CLEC4F: variants seen among roughly 807,000 people sequenced by gnomAD.
CLEC4F encodes C-type (calcium dependent, carbohydrate-recognition domain) lectin, superfamily member 13.
Under a neutral mutation model 53.4 loss-of-function variants are expected in CLEC4F, and 45 were observed. That is an observed-to-expected ratio of 0.84 (90% CI 0.66 to 1.08). CLEC4F has a LOEUF of 1.08. CLEC4F is among the 50% of genes least tolerant of loss of function. The pLI is 0.00. For synonymous variants in CLEC4F, 245 were observed against 257.5 expected, an observed-to-expected ratio of 0.95 and a Z score of 0.46; for missense variants, 753 against 698.2, an observed-to-expected ratio of 1.08 and a Z score of -0.88.
upstream of CLEC4F, among the ~76,000 whole-genome samples, chr2:70,824,641 A>AAAAC (rs1677305769): frequency 6.6e-6 from 1 of 150,428 alleles, no homozygotes; most frequent in Non-Finnish European, 1.5e-5. Context: ...AAAAAAAAAA[A>AAAAC]AAAAACTGAG....
At position 70,808,969 on chromosome 2, in the gene CLEC4F, T is replaced by G. The variant is rs1553393331; in HGVS notation, c.*302A>C. The G allele has an allele frequency of 9.4e-7, 1 of 1,066,356 alleles. No individual in the cohort carries two copies. The highest frequency in any genetic ancestry group is 2.6e-5 in the East Asian group (1 of 38,510). 66.1% of individuals were successfully genotyped at this position (1,066,356 alleles called of 1,614,324 possible). A position where few individuals can be genotyped will look rare whatever the true frequency, so the allele number is the denominator to read the frequency against. On this transcript the variant is annotated 3_prime_UTR_variant, in exon 7 of 7. Coordinates refer to ENST00000272367, the MANE Select transcript of CLEC4F (RefSeq NM_173535.3). ...GCCCATGGGCTTCTTGCACACCCAC[T>G]GATAGGGGGTGTCACAGGTCATGTC...
chr2:70,811,327 C>T (rs781919612), intron 5 of CLEC4F: 5 of 1,006,378 alleles, frequency 5.0e-6, no homozygotes, highest in Non-Finnish European at 7.6e-6. Flanking sequence ...TTGGAGCAAT[C>T]TGCTCTTATG....
Position 70,815,768 on chromosome 2 carries a change from G to T in CLEC4F, c.1387+226C>A, listed in dbSNP as rs574719051. Among the ~76,000 whole-genome samples, 6 of 152,234 alleles carry T rather than the reference G, an allele frequency of 3.9e-5. No individual in the cohort carries two copies. In the South Asian group the frequency reaches 1.0e-3, roughly 26 times the overall value. On this transcript the variant is annotated intron_variant, in intron 4 of 6. Transcript: ENST00000272367. ...TCACACACGTGCACCATTTACAGTT[G>T]GTTTCCCGTGTTCATTTGGTCACCG... is the stretch of plus-strand genomic sequence containing the variant.
At chr2:70,824,043 AAAG>A (rs1473860621), upstream of CLEC4F, among the ~76,000 whole-genome samples, 2 of 129,242 alleles carry the variant, frequency 1.5e-5, 1 homozygote, top group African/African-American at 5.7e-5. Flanking sequence ...AAAAAGAAAG[AAAG>A]AAAGAAAGAA....
intron 3 of CLEC4F, 112 bp from the exon 4 acceptor site, chr2:70,817,224 C>T: frequency 8.8e-7 from 1 of 1,141,028 alleles, no homozygotes; most frequent in Non-Finnish European, 1.2e-6. Context: ...TACTGCACAG[C>T]CCTCAGTGCT....
upstream of CLEC4F, among the ~76,000 whole-genome samples, chr2:70,823,174 A>G (rs1308207193): frequency 1.3e-5 from 2 of 152,144 alleles, no homozygotes; most frequent in African/African-American, 2.4e-5. Flanking sequence ...CCCAATGTGT[A>G]GAGTGCAGAG....
At chr2:70,818,617 A>G (rs1469286190) in intron 3 of CLEC4F, among the ~76,000 whole-genome samples, 1 of 152,052 alleles carries the variant, frequency 6.6e-6, no homozygotes, top group Non-Finnish European at 1.5e-5. Context: ...AGGCTGAGGC[A>G]GGAGAATGGC....
At chr2:70,820,429 C>T in intron 1 of CLEC4F, 34 bp downstream of exon 1, 1 of 1,554,016 alleles carries the variant, frequency 6.4e-7, no homozygotes, top group Non-Finnish European at 8.7e-7. Context: ...GCTACTCCCT[C>T]ACTGGGCAAG....
Position 70,816,249 on chromosome 2 carries a change from C to A in CLEC4F, c.1132G>T (p.Val378Phe), listed in dbSNP as rs1240170940. 8 of 1,614,080 alleles carry A rather than the reference C, an allele frequency of 5.0e-6. No individual in the cohort carries two copies. The South Asian group carries it at 7.7e-5, about 16-fold the overall frequency. ...NVNTLNAQIQ[V>F]LNGHMKNASR... is the part of the protein sequence containing the mutation. ...GCATTTTTCATATGACCATTTAAGA[C>A]CTGAATCTGGGCATTTAAGGTATTC... Residue 378 changes from valine to phenylalanine, a missense_variant, in exon 4 of 7, where the codon GTC becomes TTC. Transcript: ENST00000272367.
chr2:70,819,261 G>T (rs930119861), intron 3 of CLEC4F, 94 bp downstream of exon 3: 3 of 940,832 alleles, frequency 3.2e-6, no homozygotes, highest in Non-Finnish European at 5.2e-6. Flanking sequence ...CCCATTCAGT[G>T]GTCAGAGGGT....
chr2:70,812,407 A>C (rs1188250965), intron 5 of CLEC4F, 40 bp downstream of exon 5: 1 of 1,609,166 alleles, frequency 6.2e-7, no homozygotes, highest in Non-Finnish European at 8.5e-7. Flanking sequence ...CTTATTCCAC[A>C]CCAATTCCAC....
chr2:70,816,362 A>C lies in CLEC4F; in HGVS notation c.1019T>G (p.Met340Arg). 6.2e-7 allele frequency: 1 copy of C among 1,613,830 alleles called. No individual in the cohort carries two copies. Among genetic ancestry groups the C allele is most frequent in the Non-Finnish European group, 8.5e-7 (1 of 1,179,924 alleles). ...TGCTTTTTGGGTCTGGGCTGTGACC[A>C]TTTTCAAATCCCTTTTTAACACGTG... ...EIHVLKRDLK[M>R]VTAQTQKANG... Residue 340 changes from methionine (M) to arginine (R), a missense_variant, in exon 4 of 7, where the codon ATG (methionine) becomes AGG (arginine). Transcript: ENST00000272367.
rs1553393582 is a variant in CLEC4F, at chr2:70,809,382, C to A, written c.1659G>T (p.Ala553=). ...GTGGGCAGGATCCCTTGGAACCAGG[C>A]CTGAGTAGGGCAGGGGGAAAAAAAC... The part of the protein sequence containing the change: ...GTPFNAAQNK[A]PGSKGSCPLR... Residue 553 remains alanine (A), a splice_region_variant and synonymous_variant, in exon 7 of 7, where the codon GCG becomes GCT. Coordinates refer to ENST00000272367, the MANE Select transcript of CLEC4F (RefSeq NM_173535.3). 2.5e-6 allele frequency: 4 copies of A among 1,605,960 alleles called. No homozygotes were observed. Among genetic ancestry groups the A allele is most frequent in the East Asian group, 4.5e-5 (2 of 44,804 alleles).
In CLEC4F at chr2:70,812,363, C is replaced by T. The variant is rs1553394454; in HGVS notation, c.1539+84G>A. The stretch of plus-strand genomic sequence containing the variant: ...GAGACATGGAGGTCTCCGTCATACC[C>T]ACTGAGAGCAGGAAGGCCAAAACAC... On this transcript the variant is annotated intron_variant, in intron 5 of 6. Transcript: ENST00000272367. 1.0e-5 allele frequency: 15 copies of T among 1,469,190 alleles called. No individual in the cohort carries two copies. In the East Asian group the frequency reaches 2.0e-4, roughly 20 times the overall value. The allele number at this position is 1,469,190 out of a possible 1,614,324, so 91.0% of individuals were successfully genotyped here. A position where few individuals can be genotyped will look rare whatever the true frequency, so the allele number is the denominator to read the frequency against.
At chr2:70,813,595 TTC>T (rs1553394932) in intron 4 of CLEC4F, among the ~76,000 whole-genome samples, 236 of 75,282 alleles carry the variant, frequency 3.1e-3, no homozygotes, top group African/African-American at 9.9e-3. Flanking sequence ...CTCTCTTTCT[TTC>T]TCTTTCTTTC....
In CLEC4F at chr2:70,817,017, G is replaced by A; in HGVS notation, c.364C>T (p.Gln122Ter). The stretch of plus-strand genomic sequence containing the variant: ...TTGTCCACTCTGCACTTCAACATCT[G>A]GATTTCTACTACCCAGGCACTGGAA... Reference protein sequence around the residue: ...ENSSAWVVEIQMLKCRVDNVN... With the variant: ...ENSSAWVVEI Residue 122 changes from glutamine to a stop codon, truncating the protein, a stop_gained, in exon 4 of 7, where the codon CAG becomes TAG. Transcript: ENST00000272367. LOFTEE classifies it high-confidence loss of function. 6.2e-7 allele frequency: 1 copy of A among 1,614,096 alleles called. No individual in the cohort carries two copies. Among genetic ancestry groups the A allele is most frequent in the Non-Finnish European group, 8.5e-7 (1 of 1,180,028 alleles).
intron 6 of CLEC4F, 130 bp downstream of exon 6, chr2:70,809,609 C>T (rs1263249519): frequency 3.7e-6 from 3 of 814,740 alleles, no homozygotes; most frequent in Non-Finnish European, 6.1e-6. Context: ...ACATACACCA[C>T]ATACACACCA....
chr2:70,822,089 GAAGTGGGGTCA>G (rs1553398155), upstream of CLEC4F, among the ~76,000 whole-genome samples: 1 of 152,156 alleles, frequency 6.6e-6, no homozygotes, highest in Admixed American at 6.5e-5. Flanking sequence ...TGACCAGGCA[GAAGTGGGGTCA>G]CTACCTCACT....
upstream of CLEC4F, chr2:70,820,679 A>G (rs1553397801): frequency 1.4e-6 from 1 of 695,646 alleles, no homozygotes; most frequent in South Asian, 2.0e-5. Flanking sequence ...CTGACTCTGC[A>G]GAAACCCGCC....
Sources: gnomAD v4.1 joint callset for allele counts (sites outside exome capture counted in the v4.1 genomes callset) on GRCh38, gnomAD v4.1.1 for gene constraint, MANE v1.5 for transcripts, NCBI Gene and HGNC (gene_info 2026-07-23, HGNC 2026-07-21) for gene names.